ZNF423: variants seen among roughly 807,000 people sequenced by gnomAD.
ZNF423 encodes zinc finger protein 423.
In ZNF423, 12 loss-of-function variants were observed where a neutral mutation model predicts 95.8. That is an observed-to-expected ratio of 0.13 (90% CI 0.08 to 0.20). ZNF423 has a LOEUF of 0.20. Ranked by LOEUF, ZNF423 falls within the 10% of genes least tolerant of loss-of-function variation. ZNF423 has a pLI of 1.00. For synonymous variants in ZNF423, 749 were observed against 711.9 expected, an observed-to-expected ratio of 1.05 and a Z score of -0.83; for missense variants, 1,316 against 1,737.1, an observed-to-expected ratio of 0.76 and a Z score of 4.31.
chr16:49,712,169 T>G (rs2032563771), intron 3 of ZNF423, among the ~76,000 whole-genome samples: 1 of 152,170 alleles, frequency 6.6e-6, no homozygotes, highest in Non-Finnish European at 1.5e-5. Context: ...ACTGTGATAT[T>G]TGATCACATT....
intron 3 of ZNF423, among the ~76,000 whole-genome samples, chr16:49,652,282 A>G (rs1221007837): frequency 6.6e-6 from 1 of 151,918 alleles, no homozygotes. Flanking sequence ...AGACAAATTT[A>G]CTTAGCACTG....
intron 3 of ZNF423, among the ~76,000 whole-genome samples, chr16:49,645,885 T>C (rs934095491): frequency 1.3e-5 from 2 of 152,228 alleles, no homozygotes. Context: ...CCTGCCACCA[T>C]GTGAAGAAGG....
At chr16:49,744,236 A>G (rs6500249) in intron 2 of ZNF423, among the ~76,000 whole-genome samples, 123,136 of 152,262 alleles carry the variant, frequency 0.81, 50,501 homozygotes, top group African/African-American at 0.95. Flanking sequence ...TCTGGAAGCA[A>G]GGCACAGAAC....
At chr16:49,699,244 G>A (rs969147900) in intron 3 of ZNF423, among the ~76,000 whole-genome samples, 1 of 152,170 alleles carries the variant, frequency 6.6e-6, no homozygotes, top group African/African-American at 2.4e-5. Flanking sequence ...GCGGCTGGCC[G>A]GCTCCCCCGG....
intron 2 of ZNF423, among the ~76,000 whole-genome samples, chr16:49,735,729 A>G (rs752893): frequency 0.75 from 113,803 of 151,904 alleles, 43,251 homozygotes; most frequent in African/African-American, 0.89. Context: ...GAGAGCACAT[A>G]GGGGCTCCAG....
chr16:49,812,607 G>C (rs1167399271), intron 1 of ZNF423, among the ~76,000 whole-genome samples: 1 of 152,216 alleles, frequency 6.6e-6, no homozygotes, highest in Non-Finnish European at 1.5e-5. Context: ...CTGAGCCTGT[G>C]AGTTCTAGGT....
In ZNF423 at chr16:49,598,000, C is replaced by T. The variant is rs142261990; in HGVS notation, c.3601+28170G>A. On this transcript the variant is annotated intron_variant, in intron 5 of 7. Transcript: ENST00000563137. ...CCTACGGCAGCCTCCTGGGTGACTC[C>T]CACCCTCCCTTACTCTCCCCTGCCC... Among the ~76,000 whole-genome samples the T allele has an allele frequency of 4.8e-3, 725 of 152,266 alleles. 1 individual carries two copies. The highest frequency in any genetic ancestry group is 7.1e-3 in the Non-Finnish European group (483 of 67,996).
intron 1 of ZNF423, among the ~76,000 whole-genome samples, chr16:49,790,907 C>T (rs1022108657): frequency 5.3e-5 from 8 of 152,166 alleles, no homozygotes; most frequent in Non-Finnish European, 1.0e-4. Context: ...ATAATAATGT[C>T]AGGGCTGTCA....
At chr16:49,602,801 C>T (rs1971419357) in intron 5 of ZNF423, among the ~76,000 whole-genome samples, 1 of 152,168 alleles carries the variant, frequency 6.6e-6, no homozygotes, top group Non-Finnish European at 1.5e-5. Flanking sequence ...GTCTCCAAAC[C>T]GAGCACAAGA....
intron 3 of ZNF423, among the ~76,000 whole-genome samples, chr16:49,698,461 G>A (rs1418177720): frequency 6.6e-6 from 1 of 152,182 alleles, no homozygotes. Context: ...ACCATCCCCC[G>A]ATCCGGCCGT....
At chr16:49,576,201 T>C (rs1970494210) in intron 5 of ZNF423, among the ~76,000 whole-genome samples, 1 of 152,240 alleles carries the variant, frequency 6.6e-6, no homozygotes. Context: ...GCTGCCCGCA[T>C]TGACCACTTA....
intron 3 of ZNF423, among the ~76,000 whole-genome samples, chr16:49,695,151 T>G (rs1200859413): frequency 2.0e-5 from 3 of 152,236 alleles, no homozygotes; most frequent in Admixed American, 6.5e-5. Context: ...AGTCTCACTC[T>G]TGCCCAAGCT....
At chr16:49,768,365 G>A (rs993481486) in intron 2 of ZNF423, among the ~76,000 whole-genome samples, 3 of 152,224 alleles carry the variant, frequency 2.0e-5, no homozygotes, top group Admixed American at 2.0e-4. Context: ...TAGCAGATCC[G>A]GCTCCCGCAA....
chr16:49,602,448 A>G (rs1971403766), intron 5 of ZNF423, among the ~76,000 whole-genome samples: 1 of 152,150 alleles, frequency 6.6e-6, no homozygotes, highest in Admixed American at 6.6e-5. Context: ...GCTGCACAGA[A>G]CCAGGTCAGC....
At chr16:49,654,473 C>T (rs1973533880) in intron 3 of ZNF423, among the ~76,000 whole-genome samples, 1 of 152,260 alleles carries the variant, frequency 6.6e-6, no homozygotes, top group African/African-American at 2.4e-5. Context: ...CTCATGCTGT[C>T]CCTGCAGGGT....
chr16:49,624,401 A>C (rs538810134), intron 5 of ZNF423, among the ~76,000 whole-genome samples: 1 of 152,102 alleles, frequency 6.6e-6, no homozygotes, highest in Non-Finnish European at 1.5e-5. Context: ...AAGTACAAAA[A>C]AATTAGCCAG....
chr16:49,752,509 C>A (rs899786271), intron 2 of ZNF423, among the ~76,000 whole-genome samples: 5 of 152,024 alleles, frequency 3.3e-5, no homozygotes, highest in Non-Finnish European at 7.4e-5. Context: ...GCCTCCTGTC[C>A]TTTTCAAAGG....
intron 3 of ZNF423, among the ~76,000 whole-genome samples, chr16:49,729,246 G>T (rs2033102250): frequency 6.6e-6 from 1 of 152,174 alleles, no homozygotes; most frequent in African/African-American, 2.4e-5. Context: ...TCAATTAGTT[G>T]ATTATAAAGT....
chr16:49,853,946 A>T, intron 1 of ZNF423: 1 of 985,440 alleles, frequency 1.0e-6, no homozygotes, highest in Non-Finnish European at 1.2e-6. Context: ...TCCAACCAGA[A>T]ATTCCAATTC....
Sources: gnomAD v4.1 joint callset for allele counts (sites outside exome capture counted in the v4.1 genomes callset) on GRCh38, gnomAD v4.1.1 for gene constraint, MANE v1.5 for transcripts, NCBI Gene and HGNC (gene_info 2026-07-23, HGNC 2026-07-21) for gene names.